CLVS1: variants seen among roughly 807,000 people sequenced by gnomAD.
The protein encoded by CLVS1 is clavesin 1.
In CLVS1, 10 loss-of-function variants were observed where a neutral mutation model predicts 33.1. That is an observed-to-expected ratio of 0.30 (90% CI 0.19 to 0.51). The LOEUF (loss-of-function observed/expected upper bound fraction) is 0.51. Among genes scored for constraint, CLVS1 ranks in the 20% least tolerant of loss-of-function variants. The pLI, the probability that CLVS1 is intolerant of heterozygous loss-of-function variation, is 0.97. For missense variants in CLVS1, 343 were observed against 433.4 expected (o/e 0.79, Z 1.85); for synonymous variants, 163 against 166.1 (o/e 0.98, Z 0.14).
At chr8:60,966,032 C>A in the CLVS1 span, 1 of 173,866 alleles carries the variant, frequency 5.8e-6, no homozygotes, top group Non-Finnish European at 1.2e-5. Context: ...GGCTGGTCTC[C>A]AACTCCTGAC....
At chr8:61,276,810 A>G (rs1057036100) in intron 2 of CLVS1, among the ~76,000 whole-genome samples, 54 of 152,236 alleles carry the variant, frequency 3.5e-4, no homozygotes, top group African/African-American at 1.1e-3. Context: ...CAGAAAAGTG[A>G]CCTAATGGTT....
rs185130907 is a variant in CLVS1 at position 61,419,430 on chromosome 8, T to C, written c.631-34711T>C. ...AAAAAAAAAAAATATTTAAAAGGTG[T>C]TGTGGTGAAAATGAGAAAGAAAATA... On this transcript the variant is annotated intron_variant, in intron 3 of 5. Transcript: ENST00000325897. Among the ~76,000 whole-genome samples the C allele has an allele frequency of 6.1e-3, 918 of 149,382 alleles. 2 individuals carry two copies. The highest frequency in any genetic ancestry group is 0.012 in the Non-Finnish European group (781 of 67,684).
intron 1 of CLVS1, among the ~76,000 whole-genome samples, chr8:61,065,854 A>G (rs1326656433): frequency 6.6e-6 from 1 of 152,176 alleles, no homozygotes; most frequent in African/African-American, 2.4e-5. Context: ...AAAATTGGAG[A>G]TGACTTAAAC....
chr8:61,117,634 T>G (rs2129289222), intron 1 of CLVS1, among the ~76,000 whole-genome samples: 1 of 151,764 alleles, frequency 6.6e-6, no homozygotes, highest in Non-Finnish European at 1.5e-5. Context: ...GATAATCATG[T>G]GGTTTTTGTC....
At chr8:60,970,536 G>A in the CLVS1 span, among the ~76,000 whole-genome samples, 1 of 152,230 alleles carries the variant, frequency 6.6e-6, no homozygotes, top group East Asian at 1.9e-4. Context: ...ACGTGCCCTT[G>A]ATGCACAGTT....
chr8:61,410,884 C>A (rs570786761), intron 3 of CLVS1, among the ~76,000 whole-genome samples: 4 of 152,110 alleles, frequency 2.6e-5, no homozygotes, highest in Non-Finnish European at 5.9e-5. Flanking sequence ...TCAAGTGATC[C>A]GCCTGCCTTA....
Position 61,110,934 on chromosome 8 carries a change from A to G in CLVS1, c.-242-20836A>G, listed in dbSNP as rs557115522. 1.0e-3 allele frequency among the ~76,000 whole-genome samples: 153 copies of G among 152,310 alleles called. 2 individuals carry two copies. In the South Asian group the frequency reaches 0.03, roughly 30 times the overall value. On this transcript the variant is annotated intron_variant, in intron 1 of 2. Transcript: ENST00000522621. ...TAGACCACATTTTGTATACCTATAC[A>G]TCTGGTGATGGATATTTGGGTTGTT...
intron 2 of CLVS1, among the ~76,000 whole-genome samples, chr8:61,170,525 A>G (rs1563429785): frequency 6.6e-6 from 1 of 152,204 alleles, no homozygotes; most frequent in Admixed American, 6.5e-5. Context: ...AATTCCTTAT[A>G]TGGTGCCATA....
intron 2 of CLVS1, among the ~76,000 whole-genome samples, chr8:61,150,101 G>GGTTGTGTGT (rs1554540383): frequency 6.8e-6 from 1 of 146,438 alleles, no homozygotes; most frequent in South Asian, 2.2e-4. Context: ...ATTTGAGAAA[G>GGTTGTGTGT]GTGTGTGTGT....
Position 61,161,703 on chromosome 8 carries a change from A to C in CLVS1, c.-152+29843A>C, listed in dbSNP as rs75825265. Among the ~76,000 whole-genome samples the C allele has an allele frequency of 1.9e-3, 287 of 152,358 alleles. 1 individual carries two copies. Among genetic ancestry groups the C allele is most frequent in the African/African-American group, 6.7e-3 (278 of 41,588 alleles). On this transcript the variant is annotated intron_variant, in intron 2 of 2. Transcript: ENST00000522621. ...ACAATTTTAGTTATGCAGAATGAAT[A>C]AGTTCTAGAGATCTGATGCATAGCA...
chr8:61,463,474 A>G (rs1444349201), intron 5 of CLVS1, among the ~76,000 whole-genome samples: 1 of 152,160 alleles, frequency 6.6e-6, no homozygotes, highest in Non-Finnish European at 1.5e-5. Context: ...AATCATGTCT[A>G]GCTTTTGGTT....
At chr8:61,202,414 G>T in intron 2 of CLVS1, 1 of 768,430 alleles carries the variant, frequency 1.3e-6, no homozygotes. Flanking sequence ...TTTTGGTTGT[G>T]AACTAAAGGC....
At chr8:61,095,437 G>A (rs1422300292) in intron 1 of CLVS1, among the ~76,000 whole-genome samples, 1 of 152,146 alleles carries the variant, frequency 6.6e-6, no homozygotes, top group African/African-American at 2.4e-5. Flanking sequence ...GGTGAGAGGT[G>A]AGGGACTGGG....
intron 2 of CLVS1, among the ~76,000 whole-genome samples, chr8:61,335,029 T>C (rs986657535): frequency 1.3e-4 from 20 of 152,112 alleles, no homozygotes; most frequent in Non-Finnish European, 2.1e-4. Flanking sequence ...GATGAAATCA[T>C]AGGGAGTTGG....
the CLVS1 span, among the ~76,000 whole-genome samples, chr8:61,011,506 T>C: frequency 2.6e-5 from 4 of 152,160 alleles, no homozygotes; most frequent in African/African-American, 9.7e-5. Context: ...TGGAGTGCAA[T>C]GGCATGGTGT....
chr8:61,153,301 C>G (rs1585647657), intron 2 of CLVS1, among the ~76,000 whole-genome samples: 1 of 152,176 alleles, frequency 6.6e-6, no homozygotes, highest in South Asian at 2.1e-4. Flanking sequence ...TTCAAATGCT[C>G]AAATATGGAC....
At chr8:61,001,975 A>G in the CLVS1 span, among the ~76,000 whole-genome samples, 102 of 150,690 alleles carry the variant, frequency 6.8e-4, 1 homozygote, top group South Asian at 0.011. Context: ...TTGTGCCTTC[A>G]ATCAACCCAC....
the CLVS1 span, among the ~76,000 whole-genome samples, chr8:61,003,405 C>T: frequency 1.2e-4 from 18 of 152,158 alleles, no homozygotes; most frequent in Non-Finnish European, 1.5e-5. Context: ...GAGCCACCAA[C>T]ATGTTGGAAG....
chr8:61,354,483 T>C (rs1387979461), intron 2 of CLVS1, among the ~76,000 whole-genome samples: 1 of 152,052 alleles, frequency 6.6e-6, no homozygotes, highest in East Asian at 1.9e-4. Flanking sequence ...CTCGGGCATT[T>C]ATCTCAGATA....
Sources: gnomAD v4.1 joint callset for allele counts (sites outside exome capture counted in the v4.1 genomes callset) on GRCh38, gnomAD v4.1.1 for gene constraint, MANE v1.5 for transcripts, NCBI Gene and HGNC (gene_info 2026-07-23, HGNC 2026-07-21) for gene names.